STARD8: variants seen among roughly 807,000 people sequenced by gnomAD.
STARD8 encodes the protein stAR-related lipid transfer protein 8.
In STARD8, 25 loss-of-function variants were observed where a neutral mutation model predicts 69.4. The ratio of observed to expected loss-of-function variants is 0.36; its 90% CI spans 0.26 to 0.50. The LOEUF is 0.50. Among genes scored for constraint, STARD8 ranks in the 20% least tolerant of loss-of-function variants. The probability of loss-of-function intolerance (pLI) is 0.96; values close to 1 mark genes in which losing one functional copy is unlikely to be tolerated. For missense variants in STARD8, 921 were observed against 932.5 expected, an observed-to-expected ratio of 0.99 and a Z score of 0.16; for synonymous variants, 389 against 374.6, an observed-to-expected ratio of 1.04 and a Z score of -0.45.
Position 68,717,710 on chromosome X carries a change from T to C in STARD8, c.796T>C (p.Ser266Pro), listed in dbSNP as rs986090228. Residue 266 changes from serine (S) to proline (P), a missense_variant, in exon 6 of 15, where the codon TCA (serine) becomes CCA (proline). By Grantham distance (74) the Ser-to-Pro change is moderately conservative (BLOSUM62 -1). Transcript: ENST00000374599. ...CAGGGCCAAGAACTGGGCCGCCACC[T>C]CAGCCGGTGGCAGTGGTGCCAATAC... ...FYRAKNWAAT[S>P]AGGSGANTRK... 16 of 1,211,953 alleles carry C rather than the reference T, an allele frequency of 1.3e-5. No homozygotes were observed. Among genetic ancestry groups the C allele is most frequent in the Non-Finnish European group, 1.8e-5 (16 of 895,504 alleles).
intron 2 of STARD8, among the ~76,000 whole-genome samples, chrX:68,677,226 T>C (rs1201481359): frequency 9.0e-6 from 1 of 111,599 alleles, no homozygotes; most frequent in African/African-American, 3.3e-5. Context: ...AGCTCTCTGC[T>C]TGTTGGTCAG....
In STARD8 at chrX:68,718,363, G is replaced by T. The variant is rs757570521; in HGVS notation, c.1449G>T (p.Glu483Asp). 4 of 1,204,592 alleles carry T rather than the reference G, an allele frequency of 3.3e-6. No homozygotes were observed. In the Admixed American group the frequency reaches 6.6e-5, roughly 20 times the overall value. ...EAEPVAQEEAEAPAPAPAPAP... is the reference protein window; with the variant it reads ...EAEPVAQEEADAPAPAPAPAP... ...AACCAGTGGCACAGGAAGAGGCTGA[G>T]GCCCCGGCCCCAGCCCCGGCCCCGG... Residue 483 changes from glutamate to aspartate, a missense_variant, in exon 6 of 15, where the codon GAG becomes GAT. Transcript: ENST00000374599.
At chrX:68,668,174 C>T (rs749075332) in intron 2 of STARD8, among the ~76,000 whole-genome samples, 27 of 98,444 alleles carry the variant, frequency 2.7e-4, no homozygotes, top group Non-Finnish European at 4.7e-4. Flanking sequence ...TCTCTTTCTC[C>T]TTCCTTCCTA....
chrX:68,660,009 G>GTATT (rs2079634404), intron 1 of STARD8, among the ~76,000 whole-genome samples: 1 of 111,056 alleles, frequency 9.0e-6, no homozygotes, highest in Admixed American at 9.5e-5. Flanking sequence ...GGATGAGTAG[G>GTATT]TATTAGATCA....
intron 1 of STARD8, among the ~76,000 whole-genome samples, chrX:68,661,663 A>G (rs1413565717): frequency 1.8e-5 from 2 of 111,666 alleles, no homozygotes; most frequent in Non-Finnish European, 3.8e-5. Flanking sequence ...TCCTGACTTC[A>G]GTTAATAGCA....
chrX:68,700,106 A>G (rs2079955108), intron 2 of STARD8, among the ~76,000 whole-genome samples: 1 of 111,812 alleles, frequency 8.9e-6, no homozygotes, highest in South Asian at 3.8e-4. Context: ...GAAGCCGGAA[A>G]TGAGTATGAG....
At chrX:68,701,181 G>A (rs1474065847) in intron 2 of STARD8, among the ~76,000 whole-genome samples, 1 of 112,613 alleles carries the variant, frequency 8.9e-6, no homozygotes, top group Non-Finnish European at 1.9e-5. Flanking sequence ...ACAGGCTATA[G>A]TAGTGATGGT....
chrX:68,714,502 C>T (rs112665200), intron 3 of STARD8, among the ~76,000 whole-genome samples: 3 of 112,205 alleles, frequency 2.7e-5, no homozygotes, highest in African/African-American at 9.7e-5. Context: ...CTACAAGCAG[C>T]CTCCACCCCT....
chrX:68,723,827 G>A lies in STARD8; in HGVS notation c.3001G>A (p.Asp1001Asn), dbSNP rs148586208. 9.2e-5 allele frequency: 110 copies of A among 1,194,350 alleles called. No individual in the cohort carries two copies. In the African/African-American group the frequency reaches 1.3e-3, roughly 14 times the overall value. ...CAGCATGGCACCCCATCCCTGCCGC[G>A]ACTTTGTGGTGCTTCGGTGAGGGGC... ...TDSMAPHPCR[D>N]FVVLRMWRSD... The change falls in exon 13 of 15, where the codon GAC (aspartate) becomes AAC (asparagine). Residue 1001 changes from aspartate (D) to asparagine (N), a missense_variant. Coordinates refer to ENST00000374599, the MANE Select transcript of STARD8 (RefSeq NM_001142503.3).
intron 1 of STARD8, among the ~76,000 whole-genome samples, chrX:68,652,363 T>C (rs2079553381): frequency 9.0e-6 from 1 of 110,964 alleles, no homozygotes; most frequent in Admixed American, 9.6e-5. Context: ...TGCCTGGGTC[T>C]AGGAATAGAA....
chrX:68,714,898 T>G (rs1437154739), intron 3 of STARD8, among the ~76,000 whole-genome samples: 1 of 111,561 alleles, frequency 9.0e-6, no homozygotes, highest in Non-Finnish European at 1.9e-5. Flanking sequence ...TGTGCTGTCC[T>G]GTCCCTTCTG....
At chrX:68,696,172 G>T (rs2079918144) in intron 2 of STARD8, among the ~76,000 whole-genome samples, 1 of 112,533 alleles carries the variant, frequency 8.9e-6, no homozygotes, top group Non-Finnish European at 1.9e-5. Context: ...GATAAAATAG[G>T]GACAGCAGAT....
At chrX:68,700,848 C>T (rs1326709920) in intron 2 of STARD8, among the ~76,000 whole-genome samples, 3 of 112,367 alleles carry the variant, frequency 2.7e-5, no homozygotes, top group African/African-American at 9.7e-5. Flanking sequence ...GGGCAAATTA[C>T]TTAACTTCTC....
At chrX:68,686,911 G>A (rs908696755) in intron 2 of STARD8, among the ~76,000 whole-genome samples, 1 of 110,842 alleles carries the variant, frequency 9.0e-6, no homozygotes. Context: ...CTAACACGTG[G>A]TAGGCGTTCA....
chrX:68,717,910 A>G lies in STARD8; in HGVS notation c.996A>G (p.Pro332=), dbSNP rs750893146. The G allele has an allele frequency of 1.2e-5, 14 of 1,206,909 alleles. No homozygotes were observed. The African/African-American group carries it at 1.6e-4, about 14-fold the overall frequency. The change falls in exon 6 of 15, where the codon CCA becomes CCG. Residue 332 remains proline, a synonymous_variant. Transcript: ENST00000374599. ...EDGHRLADWQ[P]GRRWGCEGRR... ...GACACCGCCTGGCAGACTGGCAGCCAGGTAGGCGGTGGGGCTGTGAGGGGC... is the reference window on the plus strand; with the variant it reads ...GACACCGCCTGGCAGACTGGCAGCCGGGTAGGCGGTGGGGCTGTGAGGGGC...
chrX:68,723,397 C>T (rs964011885), intron 12 of STARD8, among the ~76,000 whole-genome samples: 2 of 112,692 alleles, frequency 1.8e-5, no homozygotes, highest in African/African-American at 6.5e-5. Flanking sequence ...ATGTGTGCCC[C>T]GTCATCTCTT....
intron 2 of STARD8, among the ~76,000 whole-genome samples, chrX:68,666,852 C>T (rs1369753627): frequency 1.8e-5 from 2 of 112,158 alleles, no homozygotes; most frequent in Non-Finnish European, 3.8e-5. Context: ...TGTGCACTGC[C>T]CATACTAGGG....
Position 68,718,408 on chromosome X carries a change from G to C in STARD8, c.1494G>C (p.Glu498Asp). The change falls in exon 6 of 15, where the codon GAG becomes GAC. Residue 498 changes from glutamate to aspartate, a missense_variant. Glu to Asp is a conservative substitution (Grantham distance 45). Coordinates refer to ENST00000374599, the MANE Select transcript of STARD8 (RefSeq NM_001142503.3). ...CCCCGGCCCCAGCCCAGGACAGTGA[G>C]CAGGAGGCACATTCAGGCGGGGAAC... ...APAPAPAQDSEQEAHSGGEPT... is the reference protein window; with the variant it reads ...APAPAPAQDSDQEAHSGGEPT... 8.3e-7 allele frequency: 1 copy of C among 1,210,384 alleles called. No homozygotes were observed. Among genetic ancestry groups the C allele is most frequent in the Non-Finnish European group, 1.1e-6 (1 of 894,793 alleles).
intron 2 of STARD8, among the ~76,000 whole-genome samples, chrX:68,708,083 T>A (rs1438377323): frequency 8.9e-6 from 1 of 112,135 alleles, no homozygotes; most frequent in East Asian, 2.8e-4. Context: ...AAAATAGCCT[T>A]CATTAATGAT....
Sources: allele counts gnomAD v4.1 joint callset (sites outside exome capture counted in the v4.1 genomes callset), GRCh38; gene constraint gnomAD v4.1.1; transcripts MANE v1.5; gene names NCBI Gene and HGNC (gene_info 2026-07-23, HGNC 2026-07-21).